Variants in GRID1 observed in about 807,000 individuals in gnomAD.
GRID1 encodes the protein glutamate ionotropic receptor delta type subunit 1.
GRID1 carries 28 observed loss-of-function variants against 98.0 expected under a neutral mutation model. The ratio of observed to expected loss-of-function variants is 0.29; its 90% CI spans 0.21 to 0.39. The LOEUF (loss-of-function observed/expected upper bound fraction) is 0.39. Ranked by LOEUF, GRID1 falls within the 10% of genes least tolerant of loss-of-function variation. The pLI, the probability that GRID1 is intolerant of heterozygous loss-of-function variation, is 1.00. For missense variants in GRID1, 1,111 were observed against 1,340.5 expected (o/e 0.83, Z 2.67); for synonymous variants, 553 against 538.5 (o/e 1.03, Z -0.37).
At chr10:85,603,335 G>C (rs1321663195) in intron 15 of GRID1, among the ~76,000 whole-genome samples, 1 of 152,176 alleles carries the variant, frequency 6.6e-6, no homozygotes, top group African/African-American at 2.4e-5. Context: ...TGTCTGGAAG[G>C]GCAAGGGGGC....
At chr10:85,868,550 T>C (rs926650737) in intron 6 of GRID1, among the ~76,000 whole-genome samples, 1 of 152,154 alleles carries the variant, frequency 6.6e-6, no homozygotes, top group African/African-American at 2.4e-5. Flanking sequence ...TCCAACAGTG[T>C]CCTGGGTGAC....
intron 8 of GRID1, among the ~76,000 whole-genome samples, chr10:85,793,225 C>A (rs978216597): frequency 6.6e-6 from 1 of 152,174 alleles, no homozygotes. Flanking sequence ...TCCATGTGCA[C>A]TCCTTGAGTG....
chr10:85,825,459 G>A (rs1481886834), intron 8 of GRID1, among the ~76,000 whole-genome samples: 1 of 151,610 alleles, frequency 6.6e-6, no homozygotes, highest in Non-Finnish European at 1.5e-5. Flanking sequence ...TGCATCATTT[G>A]CAAATATTTT....
At chr10:86,039,719 G>A (rs1843319601) in intron 4 of GRID1, among the ~76,000 whole-genome samples, 1 of 152,160 alleles carries the variant, frequency 6.6e-6, no homozygotes, top group Admixed American at 6.5e-5. Flanking sequence ...CAACGCGTAG[G>A]TCCTAAGCAA....
At chr10:86,086,676 C>A (rs935607151) in intron 4 of GRID1, among the ~76,000 whole-genome samples, 1 of 151,988 alleles carries the variant, frequency 6.6e-6, no homozygotes, top group South Asian at 2.1e-4. Flanking sequence ...GCACAAGTGT[C>A]CATGTGTGTG....
intron 2 of GRID1, among the ~76,000 whole-genome samples, chr10:86,242,907 A>C (rs1172977823): frequency 6.6e-6 from 1 of 152,168 alleles, no homozygotes; most frequent in Admixed American, 6.5e-5. Flanking sequence ...GCCAATGGAC[A>C]CTGCTTGTCC....
intron 4 of GRID1, among the ~76,000 whole-genome samples, chr10:86,057,178 G>C (rs1843586928): frequency 6.6e-6 from 1 of 152,214 alleles, no homozygotes; most frequent in Non-Finnish European, 1.5e-5. Context: ...CTTGGAGAGA[G>C]AGACAGAGTA....
chr10:85,892,005 C>G (rs1477622120), intron 5 of GRID1, among the ~76,000 whole-genome samples: 1 of 151,136 alleles, frequency 6.6e-6, no homozygotes, highest in Non-Finnish European at 1.5e-5. Flanking sequence ...AAACATATAC[C>G]ATATGTAAAG....
rs117770936 is a variant in GRID1 at position 85,712,582 on chromosome 10, C to T, written c.1997+10421G>A. On this transcript the variant is annotated intron_variant, in intron 12 of 15. Coordinates refer to ENST00000327946, the MANE Select transcript of GRID1 (RefSeq NM_017551.3). The stretch of plus-strand genomic sequence containing the variant: ...ATATAGACCAGATGGACCTAACAAA[C>T]ATATACAGAACATTCCATCCAATAA... Among the ~76,000 whole-genome samples, 29 of 151,942 alleles carry T rather than the reference C, an allele frequency of 1.9e-4. 1 individual carries two copies. The highest frequency in any genetic ancestry group is 3.3e-4 in the Admixed American group (5 of 15,260).
At chr10:86,181,931 G>T (rs1187675821) in intron 3 of GRID1, among the ~76,000 whole-genome samples, 4 of 152,124 alleles carry the variant, frequency 2.6e-5, no homozygotes, top group African/African-American at 7.2e-5. Context: ...CATGCAAAAG[G>T]TACACAATAA....
At chr10:86,139,288 T>C (rs909632549) in intron 3 of GRID1, among the ~76,000 whole-genome samples, 2 of 152,136 alleles carry the variant, frequency 1.3e-5, no homozygotes, top group Admixed American at 6.5e-5. Context: ...AAAGTGCCCT[T>C]GATTCATGAC....
At chr10:86,334,365 G>A (rs1028982831) in intron 2 of GRID1, among the ~76,000 whole-genome samples, 21 of 152,062 alleles carry the variant, frequency 1.4e-4, no homozygotes, top group Non-Finnish European at 2.2e-4. Flanking sequence ...CTTTGTCTCC[G>A]CATGCACCAT....
At chr10:85,895,550 C>T (rs1841280730) in intron 5 of GRID1, among the ~76,000 whole-genome samples, 1 of 152,112 alleles carries the variant, frequency 6.6e-6, no homozygotes, top group South Asian at 2.1e-4. Flanking sequence ...CAAGCCATCA[C>T]CACATTTCCC....
At chr10:86,168,195 G>A (rs1032322212) in intron 3 of GRID1, among the ~76,000 whole-genome samples, 8 of 152,244 alleles carry the variant, frequency 5.3e-5, no homozygotes, top group African/African-American at 1.4e-4. Context: ...GAGACAGAGC[G>A]TGGACCTTCG....
At chr10:85,842,287 T>C (rs991226839) in intron 8 of GRID1, among the ~76,000 whole-genome samples, 2 of 151,744 alleles carry the variant, frequency 1.3e-5, no homozygotes, top group Admixed American at 6.6e-5. Context: ...CATGGACACA[T>C]AGATGGAAAC....
At chr10:85,801,051 A>AAAC (rs1842571183) in intron 8 of GRID1, among the ~76,000 whole-genome samples, 1 of 152,082 alleles carries the variant, frequency 6.6e-6, no homozygotes, top group Non-Finnish European at 1.5e-5. Context: ...GACAACAAAC[A>AAAC]AACAATATTA....
At position 86,365,782 on chromosome 10, in the gene GRID1, C is replaced by T. The variant is rs973831107; in HGVS notation, c.79+532G>A. On this transcript the variant is annotated intron_variant, in intron 1 of 15. Coordinates refer to ENST00000327946, the MANE Select transcript of GRID1 (RefSeq NM_017551.3). This position sits in a 1 kb window ranked among gnomAD's most constrained non-coding sequence, Gnocchi z 4.8. ...AGACAGTCGTGCACGCACCAACACA[C>T]GCTCAGATGGCCCCACACACCCCAA... Among the ~76,000 whole-genome samples, 3 of 152,152 alleles carry T rather than the reference C, an allele frequency of 2.0e-5. No individual in the cohort carries two copies. Among genetic ancestry groups the T allele is most frequent in the Non-Finnish European group, 4.4e-5 (3 of 68,024 alleles).
chr10:85,848,898 T>C (rs1262308621), intron 8 of GRID1, among the ~76,000 whole-genome samples: 2 of 152,192 alleles, frequency 1.3e-5, no homozygotes, highest in East Asian at 1.9e-4. Context: ...ACTGGAAGAA[T>C]GTTAATCCAT....
intron 12 of GRID1, among the ~76,000 whole-genome samples, chr10:85,692,898 T>G (rs996337626): frequency 6.6e-6 from 1 of 152,168 alleles, no homozygotes; most frequent in Non-Finnish European, 1.5e-5. Flanking sequence ...TCACAGAACA[T>G]GCATGTAGCT....
Sources: allele counts gnomAD v4.1 joint callset (sites outside exome capture counted in the v4.1 genomes callset), GRCh38; gene constraint gnomAD v4.1.1; non-coding constraint Gnocchi (gnomAD v3.1); transcripts MANE v1.5; gene names NCBI Gene and HGNC (gene_info 2026-07-23, HGNC 2026-07-21).